The following DPP6 variants were observed in gnomAD, a reference collection of about 807,000 sequenced individuals.
DPP6 encodes the protein dipeptidyl peptidase like 6.
In DPP6, 69 loss-of-function variants were observed where a neutral mutation model predicts 122.6. That is an observed-to-expected ratio of 0.56 (90% CI 0.46 to 0.69). DPP6 has a LOEUF of 0.69. DPP6 is among the 30% of genes least tolerant of loss of function. The pLI, the probability that DPP6 is intolerant of heterozygous loss-of-function variation, is 0.00. For synonymous variants in DPP6, 418 were observed against 433.1 expected (o/e 0.97, Z 0.43); for missense variants, 928 against 1,116.9 (o/e 0.83, Z 2.41).
At chr7:154,480,689 T>C (rs1823189287) in intron 3 of DPP6, among the ~76,000 whole-genome samples, 1 of 152,180 alleles carries the variant, frequency 6.6e-6, no homozygotes, top group Non-Finnish European at 1.5e-5. Context: ...TGATGATTCC[T>C]AAACATATGT....
At chr7:154,451,871 G>T (rs1288953681) in intron 2 of DPP6, among the ~76,000 whole-genome samples, 1 of 152,220 alleles carries the variant, frequency 6.6e-6, no homozygotes, top group East Asian at 1.9e-4. Context: ...CTGGGATGGG[G>T]TGTCCAAGGT....
rs901505013 is a variant in DPP6, at chr7:154,863,753, T to C, written c.1715-4242T>C. Among the ~76,000 whole-genome samples, 4 of 151,988 alleles carry C rather than the reference T, an allele frequency of 2.6e-5. No homozygotes were observed. Among genetic ancestry groups the C allele is most frequent in the Non-Finnish European group, 5.9e-5 (4 of 68,000 alleles). ...TTGCTTGAGCCCGGGTGTTCGAGGC[T>C]GCAGTGAGTTATGATTTCACCACTG... On this transcript the variant is annotated intron_variant, in intron 17 of 25. Transcript: ENST00000377770. This position sits in a 1 kb window ranked among gnomAD's most constrained non-coding sequence, Gnocchi z 4.1.
intron 1 of DPP6, among the ~76,000 whole-genome samples, chr7:154,101,734 C>G (rs1158466073): frequency 6.6e-6 from 1 of 151,504 alleles, no homozygotes; most frequent in East Asian, 2.0e-4. Context: ...TGTAGACAAG[C>G]CTGGTCAACA....
chr7:154,425,019 G>T (rs1202327836), intron 1 of DPP6, among the ~76,000 whole-genome samples: 1 of 152,198 alleles, frequency 6.6e-6, no homozygotes, highest in African/African-American at 2.4e-5. Flanking sequence ...CACATTTAAA[G>T]TTAATTATTT....
chr7:154,791,711 G>T (rs1797692134), intron 10 of DPP6, among the ~76,000 whole-genome samples: 1 of 152,202 alleles, frequency 6.6e-6, no homozygotes, highest in South Asian at 2.1e-4. Context: ...CATGAAGCAG[G>T]CTTGTCCCTG....
At chr7:153,863,485 G>T in the DPP6 span, among the ~76,000 whole-genome samples, 1 of 151,682 alleles carries the variant, frequency 6.6e-6, no homozygotes, top group Non-Finnish European at 1.5e-5. Context: ...TAACAGCTTT[G>T]CTGAGGTATA....
At chr7:154,589,329 C>T (rs34980271) in intron 5 of DPP6, among the ~76,000 whole-genome samples, 13,637 of 152,306 alleles carry the variant, frequency 0.09, 704 homozygotes, top group Admixed American at 0.17. Context: ...ATCTCAGGAG[C>T]AAGTGTTCCT....
the DPP6 span, among the ~76,000 whole-genome samples, chr7:153,864,087 T>A: frequency 2.0e-5 from 3 of 152,286 alleles, no homozygotes; most frequent in East Asian, 3.9e-4. Flanking sequence ...TCATTTCTCT[T>A]GGGTATATAC....
At chr7:154,122,372 T>C (rs1321871105) in intron 1 of DPP6, among the ~76,000 whole-genome samples, 1 of 152,160 alleles carries the variant, frequency 6.6e-6, no homozygotes, top group African/African-American at 2.4e-5. Flanking sequence ...GAACCACATA[T>C]AGTCAAGGAA....
At chr7:154,439,929 GTGGGAGAGCCC>G (rs1287245905) in intron 1 of DPP6, among the ~76,000 whole-genome samples, 1 of 152,196 alleles carries the variant, frequency 6.6e-6, no homozygotes, top group East Asian at 1.9e-4. Context: ...CGGAAAGGGT[GTGGGAGAGCCC>G]TGGGAGAGCC....
At chr7:154,027,338 A>G (rs536004986) in intron 1 of DPP6, among the ~76,000 whole-genome samples, 6 of 152,236 alleles carry the variant, frequency 3.9e-5, no homozygotes, top group African/African-American at 1.4e-4. Context: ...TTGATTCTTC[A>G]GAGTTTGCTT....
chr7:154,398,897 A>C (rs1443558791), intron 1 of DPP6, among the ~76,000 whole-genome samples: 1 of 152,224 alleles, frequency 6.6e-6, no homozygotes, highest in Non-Finnish European at 1.5e-5. Context: ...TGCTTAGAAA[A>C]ACAAATTTGA....
At chr7:153,898,474 A>AT (rs1799503007) in intron 1 of DPP6, among the ~76,000 whole-genome samples, 1 of 152,144 alleles carries the variant, frequency 6.6e-6, no homozygotes, top group Non-Finnish European at 1.5e-5. Context: ...AATAATTAGA[A>AT]GAGAAGATTT....
intron 10 of DPP6, among the ~76,000 whole-genome samples, chr7:154,787,568 A>G (rs1254240814): frequency 6.6e-6 from 1 of 152,180 alleles, no homozygotes; most frequent in Non-Finnish European, 1.5e-5. Context: ...AAAACCACCT[A>G]TCTATTTCTT....
At chr7:154,676,472 A>G (rs7792097) in intron 7 of DPP6, among the ~76,000 whole-genome samples, 102,929 of 114,376 alleles carry the variant, frequency 0.9, 46,254 homozygotes, top group East Asian at 0.98. Context: ...CAGGTGTTCC[A>G]GGCTGCGGCC....
intron 1 of DPP6, among the ~76,000 whole-genome samples, chr7:154,029,824 T>C (rs1235654689): frequency 6.7e-6 from 1 of 148,310 alleles, no homozygotes; most frequent in Non-Finnish European, 1.5e-5. Context: ...CCAACCTGGG[T>C]GACAGAGCGA....
chr7:154,831,642 C>G (rs1397008086), intron 16 of DPP6, among the ~76,000 whole-genome samples: 9 of 152,146 alleles, frequency 5.9e-5, no homozygotes, highest in Non-Finnish European at 1.2e-4. Flanking sequence ...ACTTGGCAAT[C>G]CAGATACATT....
chr7:153,764,817 C>T, the DPP6 span, among the ~76,000 whole-genome samples: 5 of 151,734 alleles, frequency 3.3e-5, no homozygotes. Context: ...CATTTTCCCA[C>T]CATCACCAGA....
chr7:154,375,149 A>G (rs1027834234), intron 1 of DPP6, among the ~76,000 whole-genome samples: 1 of 152,108 alleles, frequency 6.6e-6, no homozygotes, highest in Non-Finnish European at 1.5e-5. Context: ...TGGAGGGTCA[A>G]GAAACGCTTT....
Sources: allele counts gnomAD v4.1 joint callset (sites outside exome capture counted in the v4.1 genomes callset), GRCh38; gene constraint gnomAD v4.1.1; non-coding constraint Gnocchi (gnomAD v3.1); transcripts MANE v1.5; gene names NCBI Gene and HGNC (gene_info 2026-07-23, HGNC 2026-07-21).